The following FAM81A variants were observed in gnomAD, a reference collection of about 807,000 sequenced individuals.
FAM81A encodes the protein family with sequence similarity 81 member A.
FAM81A carries 19 observed loss-of-function variants against 46.7 expected under a neutral mutation model. The ratio of observed to expected loss-of-function variants is 0.41; its 90% confidence interval spans 0.28 to 0.60. The LOEUF (loss-of-function observed/expected upper bound fraction) is 0.60. FAM81A is among the 20% of genes least tolerant of loss of function. The pLI is 0.34. For missense variants in FAM81A, 377 were observed against 453.5 expected, an observed-to-expected ratio of 0.83 and a Z score of 1.53; for synonymous variants, 183 against 152.9, an observed-to-expected ratio of 1.20 and a Z score of -1.45.
intron 2 of FAM81A, chr15:59,408,156 T>G (rs1242544045): frequency 6.4e-6 from 1 of 155,210 alleles, no homozygotes; most frequent in Non-Finnish European, 1.4e-5. Context: ...TTTTGGCATC[T>G]TGGGCGGTGG....
At chr15:59,432,860 G>A (rs1346179954) in intron 2 of FAM81A, among the ~76,000 whole-genome samples, 2 of 152,030 alleles carry the variant, frequency 1.3e-5, no homozygotes, top group East Asian at 3.9e-4. Context: ...ATCAGGCCGG[G>A]CATGGTGGCT....
intron 4 of FAM81A, among the ~76,000 whole-genome samples, chr15:59,494,810 T>G (rs561658262): frequency 1.3e-5 from 2 of 152,198 alleles, no homozygotes; most frequent in African/African-American, 2.4e-5. Flanking sequence ...TTATTTCATA[T>G]TTAATTTTAT....
At chr15:59,431,767 C>T (rs1244327548) in intron 2 of FAM81A, among the ~76,000 whole-genome samples, 4 of 152,104 alleles carry the variant, frequency 2.6e-5, no homozygotes, top group Non-Finnish European at 5.9e-5. Context: ...GTATGAATCC[C>T]CTTAAGGGGA....
Position 59,522,125 on chromosome 15 carries a change from A to G in FAM81A, c.*747A>G, listed in dbSNP as rs570740995. 3 of 152,680 alleles carry G rather than the reference A, an allele frequency of 2.0e-5. No homozygotes were observed. Among genetic ancestry groups the G allele is most frequent in the Non-Finnish European group, 4.4e-5 (3 of 68,046 alleles). The allele number at this position is 152,680 out of a possible 1,614,324, so 9.5% of individuals were successfully genotyped here. ...CCACAACCTGTATAGTGATAGCCAT[A>G]TATTTAATAATGGAATGGTGGTTAA... On this transcript the variant is annotated 3_prime_UTR_variant, in exon 9 of 9. Transcript: ENST00000288228.
intron 4 of FAM81A, among the ~76,000 whole-genome samples, chr15:59,504,709 G>A (rs998652229): frequency 6.6e-6 from 1 of 151,328 alleles, no homozygotes; most frequent in Non-Finnish European, 1.5e-5. Flanking sequence ...GTTAGAAAAA[G>A]TCTTTATTTT....
At chr15:59,471,703 G>T (rs1238224641) in intron 3 of FAM81A, among the ~76,000 whole-genome samples, 2 of 151,248 alleles carry the variant, frequency 1.3e-5, no homozygotes. Context: ...CTCCCAAAGT[G>T]CTGGGATTAT....
At chr15:59,421,759 C>T (rs1464745825) in intron 2 of FAM81A, among the ~76,000 whole-genome samples, 4 of 151,152 alleles carry the variant, frequency 2.6e-5, no homozygotes, top group African/African-American at 7.3e-5. Flanking sequence ...ATCTATCTAT[C>T]TATCTATCTA....
intron 2 of FAM81A, among the ~76,000 whole-genome samples, chr15:59,406,615 C>T (rs1241793244): frequency 1.3e-5 from 2 of 152,160 alleles, no homozygotes; most frequent in East Asian, 3.9e-4. Context: ...AGAACATTTC[C>T]ACTACCCCAA....
At chr15:59,402,760 G>C (rs1172764295) in intron 2 of FAM81A, among the ~76,000 whole-genome samples, 9 of 152,078 alleles carry the variant, frequency 5.9e-5, no homozygotes, top group African/African-American at 9.6e-5. Flanking sequence ...CACCATGTTA[G>C]CCAGGCTGGT....
intron 1 of FAM81A, chr15:59,401,382 G>A (rs2081069383): frequency 7.6e-6 from 6 of 788,974 alleles, no homozygotes; most frequent in Middle Eastern, 2.3e-4. Flanking sequence ...GTTGTATACA[G>A]TGGGGACGAC....
Position 59,438,270 on chromosome 15 carries a change from A to T in FAM81A, c.-90A>T, listed in dbSNP as rs2081258265. Reference sequence around the variant, plus strand: ...GGACATGGGCAGCCGCGGCGCGCCCACCCCCCGCGCCGGTGAGTGCCGCGC... The same window carrying T: ...GGACATGGGCAGCCGCGGCGCGCCCTCCCCCCGCGCCGGTGAGTGCCGCGC... On this transcript the variant is annotated 5_prime_UTR_variant, in exon 1 of 9. Transcript: ENST00000288228. The T allele has an allele frequency of 6.7e-6, 1 of 149,574 alleles. No homozygotes were observed. Among genetic ancestry groups the T allele is most frequent in the South Asian group, 2.1e-4 (1 of 4,758 alleles). 9.3% of individuals were successfully genotyped at this position (149,574 alleles called of 1,614,324 possible).
In FAM81A at chr15:59,474,930, G is replaced by C. The variant is rs578038175; in HGVS notation, c.294+14724G>C. Among the ~76,000 whole-genome samples the C allele has an allele frequency of 1.2e-3, 178 of 152,272 alleles. 2 individuals are homozygous for C. Among genetic ancestry groups the C allele is most frequent in the Admixed American group, 2.4e-3 (37 of 15,296 alleles). On this transcript the variant is annotated intron_variant, in intron 3 of 8. Transcript: ENST00000288228. ...AATCGACTCTCAAATGTGACAGGCT[G>C]TGCTATTCAGCCATTCTTTGCTTTC... is the stretch of plus-strand genomic sequence containing the variant.
At chr15:59,441,280 A>G (rs2081294563) in intron 1 of FAM81A, among the ~76,000 whole-genome samples, 5 of 151,970 alleles carry the variant, frequency 3.3e-5, no homozygotes. Flanking sequence ...CCCATAAGAA[A>G]CTCTGGTGGG....
At chr15:59,514,163 A>C in intron 6 of FAM81A, 126 bp from the exon 7 acceptor site, 1 of 1,009,668 alleles carries the variant, frequency 9.9e-7, no homozygotes, top group South Asian at 2.0e-5. Flanking sequence ...AGATGCAGCA[A>C]ACCACCATGG....
intron 2 of FAM81A, among the ~76,000 whole-genome samples, chr15:59,425,902 A>G (rs11855042): frequency 0.4 from 61,145 of 152,104 alleles, 12,749 homozygotes; most frequent in Middle Eastern, 0.46. Flanking sequence ...TTACAGGCAT[A>G]AGCCACTGCA....
At chr15:59,480,011 AG>A (rs1344319704) in intron 3 of FAM81A, among the ~76,000 whole-genome samples, 3 of 152,168 alleles carry the variant, frequency 2.0e-5, no homozygotes, top group African/African-American at 7.2e-5. Flanking sequence ...GAGTCAAGTT[AG>A]GGGACTACTT....
intron 1 of FAM81A, among the ~76,000 whole-genome samples, chr15:59,443,381 C>G (rs1327632039): frequency 6.6e-6 from 1 of 152,072 alleles, no homozygotes; most frequent in African/African-American, 2.4e-5. Context: ...TGCACCTGGC[C>G]AAAAAGATCT....
intron 2 of FAM81A, among the ~76,000 whole-genome samples, chr15:59,405,990 T>C (rs573955937): frequency 6.6e-6 from 1 of 152,196 alleles, no homozygotes; most frequent in African/African-American, 2.4e-5. Context: ...TTCTGCCTGA[T>C]AACAAATACT....
chr15:59,481,459 A>G (rs560401825), intron 3 of FAM81A, among the ~76,000 whole-genome samples: 36 of 152,290 alleles, frequency 2.4e-4, no homozygotes, highest in East Asian at 5.8e-4. Context: ...AGAATAAACC[A>G]TAATTCCACC....
Sources: gnomAD v4.1 joint callset for allele counts (sites outside exome capture counted in the v4.1 genomes callset) on GRCh38, gnomAD v4.1.1 for gene constraint, MANE v1.5 for transcripts, NCBI Gene and HGNC (gene_info 2026-07-23, HGNC 2026-07-21) for gene names.